Variants in GRIP1 observed in about 807,000 individuals in gnomAD.
GRIP1 encodes the protein glutamate receptor-interacting protein 1.
A neutral mutation model predicts 129.9 loss-of-function variants in GRIP1; 45 were observed. The ratio of observed to expected loss-of-function variants is 0.35; its 90% confidence interval spans 0.27 to 0.44. GRIP1 has a LOEUF of 0.44. Among genes scored for constraint, GRIP1 ranks in the 20% least tolerant of loss-of-function variants. The pLI is 1.00. For synonymous variants in GRIP1, 530 were observed against 520.8 expected (o/e 1.02, Z -0.24); for missense variants, 1,196 against 1,396.8 (o/e 0.86, Z 2.29).
chr12:66,422,680 G>C (rs1592829478), intron 14 of GRIP1, among the ~76,000 whole-genome samples: 1 of 152,202 alleles, frequency 6.6e-6, no homozygotes, highest in Admixed American at 6.5e-5. Flanking sequence ...CCTTGAAAGA[G>C]AGAAATATAG....
intron 1 of GRIP1, among the ~76,000 whole-genome samples, chr12:66,632,146 T>A (rs558338152): frequency 6.6e-6 from 1 of 152,218 alleles, no homozygotes; most frequent in Admixed American, 6.5e-5. Context: ...TTCTCAGAAG[T>A]AAGAAATGCA....
At chr12:66,616,266 T>TA (rs1279916104) in intron 1 of GRIP1, among the ~76,000 whole-genome samples, 1 of 151,964 alleles carries the variant, frequency 6.6e-6, no homozygotes, top group African/African-American at 2.4e-5. Flanking sequence ...TTTTTTTAAA[T>TA]AAAAAAATAC....
rs1290987614 is a variant in GRIP1, at chr12:66,609,653, A to AT, written c.56-12727dup. ...CTCATCAACTTCACTACTTTCTTCC[A>AT]TAAATCTTGCCTGAACAAAGATTCA... On this transcript the variant is annotated intron_variant, in intron 1 of 24. Transcript: ENST00000359742. 2.0e-5 allele frequency among the ~76,000 whole-genome samples: 3 copies of AT among 152,324 alleles called. No individual in the cohort carries two copies. In the East Asian group the frequency reaches 5.8e-4, roughly 29 times the overall value.
chr12:66,842,841 G>A (rs562525817), intron 1 of GRIP1, among the ~76,000 whole-genome samples: 1 of 152,090 alleles, frequency 6.6e-6, no homozygotes, highest in African/African-American at 2.4e-5. Flanking sequence ...CATGTGTAAG[G>A]TGTGTCTCTG....
intron 5 of GRIP1, among the ~76,000 whole-genome samples, chr12:66,527,936 A>G (rs2061311653): frequency 6.6e-6 from 1 of 152,052 alleles, no homozygotes; most frequent in Admixed American, 6.6e-5. Flanking sequence ...CCCCCATGTA[A>G]CAAACCTGAA....
At chr12:67,029,300 G>A (rs1474465172) in intron 1 of GRIP1, among the ~76,000 whole-genome samples, 2 of 152,064 alleles carry the variant, frequency 1.3e-5, no homozygotes, top group Non-Finnish European at 2.9e-5. Flanking sequence ...GTTATGTAGA[G>A]ATGAGGTTTT....
intron 1 of GRIP1, among the ~76,000 whole-genome samples, chr12:66,935,967 GA>G (rs2137425125): frequency 6.6e-6 from 1 of 152,296 alleles, no homozygotes; most frequent in African/African-American, 2.4e-5. Flanking sequence ...TAGAAGTACA[GA>G]GACCTTCTCA....
chr12:66,987,984 T>C (rs1002012000), intron 1 of GRIP1, among the ~76,000 whole-genome samples: 3 of 152,186 alleles, frequency 2.0e-5, no homozygotes, highest in African/African-American at 7.2e-5. Context: ...CAATAGGTAG[T>C]TACCTAAGGT....
At chr12:66,377,393 T>A (rs868041286) in intron 20 of GRIP1, 108 bp from the exon 21 acceptor site, 1 of 772,738 alleles carries the variant, frequency 1.3e-6, no homozygotes, top group Non-Finnish European at 2.3e-6. Flanking sequence ...AGTGGCGCAA[T>A]CTCGGCTCAC....
At chr12:66,749,194 C>T (rs538457785) in intron 1 of GRIP1, among the ~76,000 whole-genome samples, 1 of 152,316 alleles carries the variant, frequency 6.6e-6, no homozygotes, top group Non-Finnish European at 1.5e-5. Context: ...GTGAACTACT[C>T]ACGAAGAAAA....
intron 1 of GRIP1, among the ~76,000 whole-genome samples, chr12:66,957,247 G>C (rs1270348634): frequency 1.3e-5 from 2 of 151,988 alleles, no homozygotes. Context: ...CCATCTATAA[G>C]CCAAGGAGAG....
In GRIP1 at chr12:66,550,892, G is replaced by C. The variant is rs572994845; in HGVS notation, c.137-8942C>G. Among the ~76,000 whole-genome samples the C allele has an allele frequency of 3.9e-5, 6 of 152,278 alleles. No individual in the cohort carries two copies. In the South Asian group the frequency reaches 1.2e-3, roughly 32 times the overall value. On this transcript the variant is annotated intron_variant, in intron 2 of 24. Coordinates refer to ENST00000359742, the MANE Select transcript of GRIP1 (RefSeq NM_001366722.1). ...CATTTAAATGTAAGAGTTGATAAGGGCCAGGAGAAAGCACTGGGCAGGATA... is the reference window on the plus strand; with the variant it reads ...CATTTAAATGTAAGAGTTGATAAGGCCCAGGAGAAAGCACTGGGCAGGATA...
chr12:66,571,360 C>CT (rs1471095896), intron 2 of GRIP1, among the ~76,000 whole-genome samples: 1 of 152,120 alleles, frequency 6.6e-6, no homozygotes, highest in Non-Finnish European at 1.5e-5. Flanking sequence ...TGCTGAGTAT[C>CT]TTTTTTGTTG....
upstream of GRIP1, among the ~76,000 whole-genome samples, chr12:66,807,153 C>T (rs1026242533): frequency 2.0e-5 from 3 of 152,038 alleles, no homozygotes; most frequent in Non-Finnish European, 4.4e-5. Context: ...CGGAGGTAAA[C>T]GAGATCATTT....
chr12:66,753,110 C>T (rs1255109903), intron 1 of GRIP1, among the ~76,000 whole-genome samples: 1 of 152,114 alleles, frequency 6.6e-6, no homozygotes, highest in African/African-American at 2.4e-5. Flanking sequence ...TAGAACATTC[C>T]TCCCTTCCCA....
intron 1 of GRIP1, among the ~76,000 whole-genome samples, chr12:67,042,685 G>A (rs2043197734): frequency 6.6e-6 from 1 of 152,100 alleles, no homozygotes. Context: ...GTCATCAAGA[G>A]GCCAGGACTG....
In GRIP1 at chr12:66,546,441, G is replaced by A. The variant is rs1404138343; in HGVS notation, c.137-4491C>T. ...GGAGGTCAAGGCTGCAGTAAGCTAT[G>A]ATCATGCCATTGCACTCCAGTCTGG... On this transcript the variant is annotated intron_variant, in intron 2 of 24. Transcript: ENST00000359742. 2.6e-5 allele frequency among the ~76,000 whole-genome samples: 4 copies of A among 152,158 alleles called. No homozygotes were observed. The East Asian group carries it at 7.7e-4, about 29-fold the overall frequency.
chr12:66,528,228 G>A (rs1254663001), intron 5 of GRIP1, among the ~76,000 whole-genome samples: 7 of 145,050 alleles, frequency 4.8e-5, no homozygotes, highest in East Asian at 2.2e-4. Context: ...TCCACCTCCC[G>A]GGTTCACACC....
chr12:66,388,682 G>A lies in GRIP1; in HGVS notation c.2464+3626C>T, dbSNP rs573312616. The stretch of plus-strand genomic sequence containing the variant: ...AACTGGAAGAAGTCAGCCACACAGT[G>A]GAACTGAGAATCAGCCCCTTGTGGG... On this transcript the variant is annotated intron_variant, in intron 19 of 24. Coordinates refer to ENST00000359742, the MANE Select transcript of GRIP1 (RefSeq NM_001366722.1). Among the ~76,000 whole-genome samples, 64 of 152,306 alleles carry A rather than the reference G, an allele frequency of 4.2e-4. 1 individual carries two copies. The highest frequency in any genetic ancestry group is 1.4e-3 in the African/African-American group (59 of 41,572).
Sources: gnomAD v4.1 joint callset for allele counts (sites outside exome capture counted in the v4.1 genomes callset) on GRCh38, gnomAD v4.1.1 for gene constraint, MANE v1.5 for transcripts, NCBI Gene and HGNC (gene_info 2026-07-23, HGNC 2026-07-21) for gene names.